The following TIPIN variants were observed in gnomAD, a reference collection of about 807,000 sequenced individuals.
The protein encoded by TIPIN is TIMELESS-interacting protein.
A neutral mutation model predicts 35.6 loss-of-function variants in TIPIN; 29 were observed. The observed-to-expected ratio is 0.82, with a 90% CI of 0.61 to 1.11. The LOEUF is 1.11. Ranked by LOEUF, TIPIN falls within the 50% of genes most tolerant of loss-of-function variation. The pLI, the probability that TIPIN is intolerant of heterozygous loss-of-function variation, is 0.00. For synonymous variants in TIPIN, 102 were observed against 121.5 expected, an observed-to-expected ratio of 0.84 and a Z score of 1.06; for missense variants, 296 against 345.4, an observed-to-expected ratio of 0.86 and a Z score of 1.13.
At chr15:66,379,924 TAC>T in intron 1 of TIPIN, 1 of 1,361,420 alleles carries the variant, frequency 7.3e-7, no homozygotes, top group Non-Finnish European at 1.0e-6. Flanking sequence ...ACTCTCGCAG[TAC>T]ACACGGCAAA....
At position 66,337,096 on chromosome 15, in the gene TIPIN, G is replaced by A. The variant is rs770591891; in HGVS notation, c.768C>T (p.Asn256=). ...EDQKEESNGL[N]EDILDNPCND... ...TACATGGATTGTCCAGAATGTCTTCGTTTAATCCATTTGACTCCTCCTTTT... is the reference window on the plus strand; with the variant it reads ...TACATGGATTGTCCAGAATGTCTTCATTTAATCCATTTGACTCCTCCTTTT... The change falls in exon 8 of 8, where the codon AAC becomes AAT. Residue 256 remains asparagine, a synonymous_variant. Coordinates refer to ENST00000261881, the MANE Select transcript of TIPIN (RefSeq NM_017858.3). 1.1e-5 allele frequency: 17 copies of A among 1,613,868 alleles called. No homozygotes were observed. Among genetic ancestry groups the A allele is most frequent in the East Asian group, 4.5e-5 (2 of 44,874 alleles).
upstream of TIPIN, among the ~76,000 whole-genome samples, chr15:66,361,258 ATT>A (rs377249055): frequency 6.5e-4 from 91 of 140,652 alleles, no homozygotes; most frequent in South Asian, 4.1e-3. Context: ...TTCTATTGTA[ATT>A]TTTTTTTTTT....
In TIPIN at chr15:66,351,519, T is replaced by C; in HGVS notation, c.288+6A>G. ...ACAAAGGTCTAACATAAAAATCAGT[T>C]CTTACCTCATGACCTTTACCTTTGA... On this transcript the variant is annotated splice_donor_region_variant and intron_variant, in intron 4 of 7. Coordinates refer to ENST00000261881, the MANE Select transcript of TIPIN (RefSeq NM_017858.3). The C allele has an allele frequency of 6.2e-7, 1 of 1,609,040 alleles. No homozygotes were observed. Among genetic ancestry groups the C allele is most frequent in the East Asian group, 2.2e-5 (1 of 44,818 alleles).
At position 66,336,487 on chromosome 15, in the gene TIPIN, G is replaced by A. The variant is rs186984346; in HGVS notation, c.*471C>T. 432 of 157,872 alleles carry A rather than the reference G, an allele frequency of 2.7e-3. 2 individuals carry two copies. The highest frequency in any genetic ancestry group is 0.016 in the Middle Eastern group (5 of 304). The allele number at this position is 157,872 out of a possible 1,614,324, so 9.8% of individuals were successfully genotyped here. On this transcript the variant is annotated 3_prime_UTR_variant, in exon 8 of 8. Coordinates refer to ENST00000261881, the MANE Select transcript of TIPIN (RefSeq NM_017858.3). ...GAGAATTGCTTGAGCCCAGGAGGCA[G>A]AGGTTGCAGTGAGCCAAGACTGTGC... is the stretch of plus-strand genomic sequence containing the variant.
chr15:66,349,166 T>C, intron 5 of TIPIN, 43 bp from the exon 6 acceptor site: 1 of 1,602,972 alleles, frequency 6.2e-7, no homozygotes. Flanking sequence ...TCTTTACCAA[T>C]CATGTTGGGG....
upstream of TIPIN, among the ~76,000 whole-genome samples, chr15:66,357,624 G>A (rs1474343327): frequency 1.6e-5 from 2 of 126,306 alleles, no homozygotes; most frequent in African/African-American, 6.5e-5. Flanking sequence ...AAAAAAAAAA[G>A]CGAGAGAGTG....
intron 4 of TIPIN, among the ~76,000 whole-genome samples, chr15:66,350,476 G>A (rs1595796223): frequency 1.3e-5 from 2 of 151,690 alleles, no homozygotes; most frequent in African/African-American, 4.8e-5. Context: ...GTGGTGGTGG[G>A]CACTTGCAAT....
At chr15:66,377,608 C>A (rs904211923) in intron 1 of TIPIN, among the ~76,000 whole-genome samples, 1 of 152,108 alleles carries the variant, frequency 6.6e-6, no homozygotes, top group African/African-American at 2.4e-5. Context: ...TGTGATCCAC[C>A]CATCTTGGCC....
intron 2 of TIPIN, among the ~76,000 whole-genome samples, 195 bp downstream of exon 2, chr15:66,352,620 C>G (rs780958667): frequency 6.6e-6 from 1 of 151,576 alleles, no homozygotes; most frequent in East Asian, 1.9e-4. Context: ...CCTCAAATAC[C>G]TTTTACCACA....
chr15:66,373,362 G>T (rs1359630309), intron 1 of TIPIN, among the ~76,000 whole-genome samples: 1 of 151,916 alleles, frequency 6.6e-6, no homozygotes, highest in Non-Finnish European at 1.5e-5. Flanking sequence ...GTGTGGTGGC[G>T]GGCGCCTGTA....
In TIPIN at chr15:66,349,142, T is replaced by A. The variant is rs1007904235; in HGVS notation, c.412-19A>T. ...AACAGGTCTGAAAATGAAAAGAGAT[T>A]ATTTATTTTTACCTCTTTACCAATC... On this transcript the variant is annotated intron_variant, in intron 5 of 7. Coordinates refer to ENST00000261881, the MANE Select transcript of TIPIN (RefSeq NM_017858.3). 6.2e-6 allele frequency: 10 copies of A among 1,607,368 alleles called. No individual in the cohort carries two copies. The Middle Eastern group carries it at 6.4e-4, about 103-fold the overall frequency.
chr15:66,358,886 T>TA (rs2093218645), upstream of TIPIN, among the ~76,000 whole-genome samples: 2 of 151,816 alleles, frequency 1.3e-5, no homozygotes, highest in African/African-American at 4.8e-5. Context: ...TCAATAAAAA[T>TA]ACAATAATTA....
At chr15:66,379,195 G>T in intron 1 of TIPIN, 1 of 1,193,188 alleles carries the variant, frequency 8.4e-7, no homozygotes, top group Non-Finnish European at 1.1e-6. Flanking sequence ...GGCCTTGATT[G>T]CATCTTTGAT....
intron 6 of TIPIN, among the ~76,000 whole-genome samples, chr15:66,348,046 A>G (rs1008425826): frequency 9.1e-6 from 1 of 109,890 alleles, no homozygotes; most frequent in African/African-American, 3.5e-5. Context: ...CTCTCACCCT[A>G]TTTATTGCCC....
intron 1 of TIPIN, among the ~76,000 whole-genome samples, chr15:66,373,006 G>A (rs2093283020): frequency 6.6e-6 from 1 of 152,162 alleles, no homozygotes; most frequent in African/African-American, 2.4e-5. Context: ...ATTCAGTACA[G>A]TAATGTAACA....
chr15:66,345,126 T>C (rs1398309309), intron 6 of TIPIN, among the ~76,000 whole-genome samples: 3 of 152,114 alleles, frequency 2.0e-5, no homozygotes, highest in Admixed American at 6.6e-5. Flanking sequence ...GATGCAACTA[T>C]AACAGTGTAA....
intron 1 of TIPIN, among the ~76,000 whole-genome samples, chr15:66,364,229 G>A (rs577280551): frequency 7.3e-5 from 10 of 136,512 alleles, no homozygotes; most frequent in East Asian, 4.6e-4. Context: ...GCAGCAATGC[G>A]ATCTCGACTC....
intron 7 of TIPIN, 110 bp from the exon 8 acceptor site, chr15:66,337,291 CTTAATG>C: frequency 2.9e-6 from 2 of 691,268 alleles, no homozygotes; most frequent in East Asian, 5.4e-5. Flanking sequence ...TCTAAGATCA[CTTAATG>C]TTAATTATGA....
chr15:66,350,624 A>C (rs549296560), intron 4 of TIPIN, among the ~76,000 whole-genome samples: 38 of 146,276 alleles, frequency 2.6e-4, no homozygotes, highest in East Asian at 2.0e-4. Context: ...AAAAAAAAAA[A>C]CACTTAATAA....
Sources: allele counts gnomAD v4.1 joint callset (sites outside exome capture counted in the v4.1 genomes callset), GRCh38; gene constraint gnomAD v4.1.1; transcripts MANE v1.5; gene names NCBI Gene and HGNC (gene_info 2026-07-23, HGNC 2026-07-21).